Variants in CHD2 observed in about 807,000 individuals in gnomAD.
CHD2 encodes the protein chromodomain helicase DNA binding protein 2.
CHD2 carries 28 observed loss-of-function variants against 243.9 expected under a neutral mutation model. That is an observed-to-expected ratio of 0.11 (90% CI 0.09 to 0.16). CHD2 has a LOEUF of 0.16. CHD2 is among the 10% of genes least tolerant of loss of function. The probability of loss-of-function intolerance (pLI) is 1.00; values close to 1 mark genes in which losing one functional copy is unlikely to be tolerated. For synonymous variants in CHD2, 775 were observed against 779.0 expected (o/e 0.99, Z 0.09); for missense variants, 1,386 against 2,209.8 (o/e 0.63, Z 7.47).
rs368361932 is a variant in CHD2 at position 92,998,485 on chromosome 15, C to T, written c.3886-14C>T. 6.4e-5 allele frequency: 103 copies of T among 1,613,562 alleles called. No homozygotes were observed. The African/African-American group carries it at 1.1e-3, about 18-fold the overall frequency. On this transcript the variant is annotated splice_polypyrimidine_tract_variant and intron_variant, in intron 30 of 38. Transcript: ENST00000394196. The surrounding 1 kb of genome is among the most constrained non-coding windows in gnomAD (Gnocchi z 5.1). Reference sequence around the variant, plus strand: ...TGGGTGGTGGCGGGTGCTTCTCTTCCTTTCTTGTTGAAGATTCTGCCGGTG... The same window carrying T: ...TGGGTGGTGGCGGGTGCTTCTCTTCTTTTCTTGTTGAAGATTCTGCCGGTG...
chr15:92,974,748 C>T (rs1392696296), intron 19 of CHD2, 131 bp from the exon 20 acceptor site: 6 of 721,416 alleles, frequency 8.3e-6, no homozygotes, highest in South Asian at 6.9e-5. Context: ...TTCTTCATAG[C>T]GCTTTGCCAG....
Position 92,998,475 on chromosome 15 carries a change from G to A in CHD2, c.3886-24G>A, listed in dbSNP as rs186916339. On this transcript the variant is annotated intron_variant, in intron 30 of 38. Coordinates refer to ENST00000394196, the MANE Select transcript of CHD2 (RefSeq NM_001271.4). The surrounding 1 kb of genome is among the most constrained non-coding windows in gnomAD (Gnocchi z 5.1). ...AACCAGGATGTGGGTGGTGGCGGGT[G>A]CTTCTCTTCCTTTCTTGTTGAAGAT... The A allele has an allele frequency of 8.9e-5, 143 of 1,613,270 alleles. 1 individual carries two copies. In the African/African-American group the frequency reaches 1.6e-3, roughly 18 times the overall value.
At chr15:92,934,366 C>T (rs2053227722) in intron 5 of CHD2, among the ~76,000 whole-genome samples, 2 of 152,160 alleles carry the variant, frequency 1.3e-5, no homozygotes, top group Admixed American at 1.3e-4. Context: ...GTATTTTTCT[C>T]CCTAGTTCTC....
rs1486555733 is a variant in CHD2, at chr15:92,967,521, C to G, written c.2189+8C>G. 1 of 1,611,630 alleles carries G rather than the reference C, an allele frequency of 6.2e-7. No individual in the cohort carries two copies. Among genetic ancestry groups the G allele is most frequent in the Admixed American group, 1.7e-5 (1 of 59,888 alleles). On this transcript the variant is annotated splice_region_variant and intron_variant, in intron 17 of 38. Coordinates refer to ENST00000394196, the MANE Select transcript of CHD2 (RefSeq NM_001271.4). ...TCAGAAACAGTATTACAAGTAAGTT[C>G]TTGTTTGGGTTAGGCCTGAAGGGGT...
intron 2 of CHD2, chr15:92,905,157 CT>C: frequency 2.8e-6 from 2 of 722,044 alleles, no homozygotes; most frequent in Non-Finnish European, 4.4e-6. Context: ...GAAAACTACT[CT>C]TTTAAGTGTT....
Position 93,010,868 on chromosome 15 carries a change from C to T in CHD2, c.4593-1477C>T, listed in dbSNP as rs112135330. On this transcript the variant is annotated intron_variant, in intron 35 of 38. Coordinates refer to ENST00000394196, the MANE Select transcript of CHD2 (RefSeq NM_001271.4). ...AGTTACTTTGAACTTGTATATAGTT[C>T]ATGGATAATGTGATTATCTTTGTAT... 8.5e-3 allele frequency among the ~76,000 whole-genome samples: 1,289 copies of T among 152,270 alleles called. 18 individuals are homozygous for T. Among genetic ancestry groups the T allele is most frequent in the African/African-American group, 0.03 (1,236 of 41,530 alleles).
chr15:92,908,768 A>G (rs1036529062), intron 2 of CHD2, among the ~76,000 whole-genome samples: 1 of 152,174 alleles, frequency 6.6e-6, no homozygotes, highest in African/African-American at 2.4e-5. Context: ...GGCTTGATGG[A>G]AGAGGATGTT....
intron 15 of CHD2, among the ~76,000 whole-genome samples, chr15:92,956,231 A>G (rs1308294167): frequency 6.6e-6 from 1 of 152,182 alleles, no homozygotes; most frequent in African/African-American, 2.4e-5. Context: ...AATAGCTGGT[A>G]TAAGAGGCCC....
At chr15:92,939,022 C>T (rs1252373996) in intron 6 of CHD2, among the ~76,000 whole-genome samples, 1 of 150,392 alleles carries the variant, frequency 6.6e-6, no homozygotes, top group Non-Finnish European at 1.5e-5. Context: ...CCTGGAAATC[C>T]TTTCGTATTA....
chr15:92,966,682 A>AG lies in CHD2; in HGVS notation c.2001-641dup, dbSNP rs1267260855. Among the ~76,000 whole-genome samples, 6 of 152,140 alleles carry AG rather than the reference A, an allele frequency of 3.9e-5. No homozygotes were observed. In the South Asian group the frequency reaches 6.2e-4, roughly 16 times the overall value. ...TTCCAGCACTTTGGGAGGCCGAGGC[A>AG]GGCGGATCACTTGAGGTCAGGAGTT... is the stretch of plus-strand genomic sequence containing the variant. On this transcript the variant is annotated intron_variant, in intron 16 of 38. Coordinates refer to ENST00000394196, the MANE Select transcript of CHD2 (RefSeq NM_001271.4).
intron 12 of CHD2, chr15:92,947,008 A>G (rs1007164158): frequency 6.6e-6 from 1 of 152,076 alleles, no homozygotes; most frequent in African/African-American, 2.4e-5. Flanking sequence ...GAAATTAAAT[A>G]TATAGGCTTA....
In CHD2 at chr15:92,956,235, G is replaced by A. The variant is rs58546115; in HGVS notation, c.1810-224G>A. ...GGGCATGCAGTAATAGCTGGTATAAGAGGCCCACCTATACCTTTTAGATGA... is the reference window on the plus strand; with the variant it reads ...GGGCATGCAGTAATAGCTGGTATAAAAGGCCCACCTATACCTTTTAGATGA... On this transcript the variant is annotated intron_variant, in intron 15 of 38. Coordinates refer to ENST00000394196, the MANE Select transcript of CHD2 (RefSeq NM_001271.4). Among the ~76,000 whole-genome samples the A allele has an allele frequency of 4.4e-3, 677 of 152,244 alleles. 5 individuals are homozygous for A. The highest frequency in any genetic ancestry group is 0.016 in the African/African-American group (653 of 41,530).
At chr15:92,974,172 CT>C (rs1393774077) in intron 19 of CHD2, 1 of 152,082 alleles carries the variant, frequency 6.6e-6, no homozygotes, top group Non-Finnish European at 1.5e-5. Context: ...GGTGATAATT[CT>C]TTAGTATTTT....
At chr15:92,934,412 T>C (rs1222736813) in intron 5 of CHD2, among the ~76,000 whole-genome samples, 2 of 123,500 alleles carry the variant, frequency 1.6e-5, no homozygotes, top group African/African-American at 5.4e-5. Flanking sequence ...ATTATGTGTT[T>C]TTACAGTATC....
At position 93,020,058 on chromosome 15, in the gene CHD2, C is replaced by T. The variant is rs201939255; in HGVS notation, c.4953C>T (p.Gly1651=). Reference sequence around the variant, plus strand: ...AAAGAAAGTTCAACTATGGTGGTGGCAACAACAATCCACCATGGGGAAGCG... The same window carrying T: ...AAAGAAAGTTCAACTATGGTGGTGGTAACAACAATCCACCATGGGGAAGCG... The part of the protein sequence containing the change: ...QRERKFNYGG[G]NNNPPWGSDR... Residue 1651 remains glycine (G), a synonymous_variant, in exon 38 of 39, where the codon GGC becomes GGT. Coordinates refer to ENST00000394196, the MANE Select transcript of CHD2 (RefSeq NM_001271.4). 1.9e-4 allele frequency: 299 copies of T among 1,613,992 alleles called. No individual in the cohort carries two copies. The highest frequency in any genetic ancestry group is 4.8e-4 in the Admixed American group (29 of 60,020).
At chr15:92,950,955 T>C (rs1158359442) in intron 13 of CHD2, among the ~76,000 whole-genome samples, 1 of 152,168 alleles carries the variant, frequency 6.6e-6, no homozygotes, top group Non-Finnish European at 1.5e-5. Flanking sequence ...GGGTTTGATA[T>C]AATGATTCTG....
chr15:92,908,795 T>C (rs1596366251), intron 2 of CHD2, among the ~76,000 whole-genome samples: 1 of 152,186 alleles, frequency 6.6e-6, no homozygotes, highest in South Asian at 2.1e-4. Flanking sequence ...TTAAATGTCA[T>C]GGCAGATCCA....
intron 2 of CHD2, among the ~76,000 whole-genome samples, chr15:92,913,176 A>T (rs922595595): frequency 6.6e-6 from 1 of 152,186 alleles, no homozygotes; most frequent in African/African-American, 2.4e-5. Context: ...ACCTCAGTTG[A>T]TTCTTGTACT....
intron 2 of CHD2, among the ~76,000 whole-genome samples, chr15:92,911,050 T>C (rs974534795): frequency 2.6e-5 from 4 of 152,248 alleles, no homozygotes; most frequent in African/African-American, 4.8e-5. Flanking sequence ...TACAGTCTTA[T>C]GGGATCACTG....
Sources: allele counts gnomAD v4.1 joint callset (sites outside exome capture counted in the v4.1 genomes callset), GRCh38; gene constraint gnomAD v4.1.1; non-coding constraint Gnocchi (gnomAD v3.1); transcripts MANE v1.5; gene names NCBI Gene and HGNC (gene_info 2026-07-23, HGNC 2026-07-21).